STPG2: variants seen among roughly 807,000 people sequenced by gnomAD.
The protein encoded by STPG2 is sperm-tail PG-rich repeat-containing protein 2.
In STPG2, 56 loss-of-function variants were observed where a neutral mutation model predicts 54.2. The ratio of observed to expected loss-of-function variants is 1.03; its 90% CI spans 0.83 to 1.29. The LOEUF (loss-of-function observed/expected upper bound fraction) is 1.29. Ranked by LOEUF, STPG2 falls within the 50% of genes most tolerant of loss-of-function variation. The probability of loss-of-function intolerance (pLI) is 0.00; values close to 1 mark genes in which losing one functional copy is unlikely to be tolerated. For synonymous variants in STPG2, 200 were observed against 181.8 expected (o/e 1.10, Z -0.81); for missense variants, 596 against 544.9 (o/e 1.09, Z -0.93).
intron 5 of STPG2, among the ~76,000 whole-genome samples, chr4:98,063,219 G>A (rs1031114890): frequency 2.6e-5 from 4 of 152,110 alleles, no homozygotes; most frequent in African/African-American, 9.7e-5. Flanking sequence ...GGGAGACCTA[G>A]GTGGGCGGAT....
chr4:97,983,695 G>C (rs1734746527), intron 5 of STPG2, among the ~76,000 whole-genome samples: 1 of 152,068 alleles, frequency 6.6e-6, no homozygotes, highest in Admixed American at 6.6e-5. Context: ...TCTTTCAGTA[G>C]GAATAGAATT....
At chr4:97,581,438 A>C (rs922903129) in intron 10 of STPG2, among the ~76,000 whole-genome samples, 2 of 152,134 alleles carry the variant, frequency 1.3e-5, no homozygotes, top group African/African-American at 4.8e-5. Flanking sequence ...GTAGCTACGG[A>C]GAACAATGCA....
intron 4 of STPG2, among the ~76,000 whole-genome samples, chr4:97,453,489 C>T (rs1345845733): frequency 2.6e-5 from 4 of 152,184 alleles, no homozygotes; most frequent in South Asian, 2.1e-4. Context: ...GGCAAAGGCA[C>T]CACCGGCCAG....
intron 9 of STPG2, among the ~76,000 whole-genome samples, chr4:97,733,550 C>T (rs1185844607): frequency 6.9e-6 from 1 of 144,516 alleles, no homozygotes; most frequent in Non-Finnish European, 1.5e-5. Context: ...ATTCGTGTAA[C>T]AAAAAAAAAA....
intron 10 of STPG2, among the ~76,000 whole-genome samples, chr4:97,631,550 A>T (rs934707083): frequency 9.9e-5 from 15 of 152,130 alleles, no homozygotes; most frequent in African/African-American, 3.4e-4. Context: ...AGGTTAGTTG[A>T]AAGTAAAACA....
At chr4:97,464,087 T>C (rs1431665734) in intron 4 of STPG2, among the ~76,000 whole-genome samples, 2 of 152,158 alleles carry the variant, frequency 1.3e-5, no homozygotes, top group African/African-American at 4.8e-5. Flanking sequence ...GCATGAAGGT[T>C]TTTATATGGA....
intron 5 of STPG2, chr4:98,026,233 C>G: frequency 9.7e-7 from 1 of 1,035,906 alleles, no homozygotes; most frequent in Non-Finnish European, 1.5e-6. Flanking sequence ...AAGCAAGCCC[C>G]CTCAAGAGCT....
At chr4:97,977,608 G>A (rs1304391231) in intron 6 of STPG2, among the ~76,000 whole-genome samples, 1 of 152,134 alleles carries the variant, frequency 6.6e-6, no homozygotes, top group Non-Finnish European at 1.5e-5. Context: ...GTTTCAAGAG[G>A]CCCAGATCAA....
At chr4:98,060,097 C>T (rs904932402) in intron 5 of STPG2, among the ~76,000 whole-genome samples, 14 of 152,038 alleles carry the variant, frequency 9.2e-5, no homozygotes, top group Non-Finnish European at 2.1e-4. Flanking sequence ...AGAGGGCATC[C>T]TCTCTTCAAA....
intron 9 of STPG2, among the ~76,000 whole-genome samples, chr4:97,807,328 C>T (rs1727599726): frequency 6.6e-6 from 1 of 151,724 alleles, no homozygotes; most frequent in Admixed American, 6.6e-5. Context: ...TGCCTTTAAG[C>T]TCCTGAAGAA....
chr4:97,665,058 T>C (rs796315163), intron 10 of STPG2, among the ~76,000 whole-genome samples: 10 of 152,222 alleles, frequency 6.6e-5, no homozygotes, highest in African/African-American at 2.2e-4. Context: ...ACAGCTGGCA[T>C]CAGAGAATGC....
chr4:97,924,827 C>T (rs919104750), intron 8 of STPG2, among the ~76,000 whole-genome samples: 2 of 152,102 alleles, frequency 1.3e-5, no homozygotes, highest in Non-Finnish European at 2.9e-5. Flanking sequence ...AAAGTCCTGG[C>T]TAATCATCTC....
At chr4:97,927,912 G>C (rs562391385) in intron 8 of STPG2, among the ~76,000 whole-genome samples, 1 of 152,204 alleles carries the variant, frequency 6.6e-6, no homozygotes, top group South Asian at 2.1e-4. Context: ...ACCAATGTCT[G>C]TGATACACAG....
intron 8 of STPG2, among the ~76,000 whole-genome samples, chr4:97,869,934 G>A (rs948256964): frequency 3.3e-5 from 5 of 151,414 alleles, no homozygotes; most frequent in Non-Finnish European, 7.4e-5. Context: ...ACAAGAACCC[G>A]GGTCTTCCAC....
chr4:97,851,109 A>G (rs1418562668), intron 8 of STPG2, among the ~76,000 whole-genome samples: 1 of 152,182 alleles, frequency 6.6e-6, no homozygotes, highest in African/African-American at 2.4e-5. Flanking sequence ...CTCAGAATAC[A>G]CAGCTCTTAA....
intron 10 of STPG2, among the ~76,000 whole-genome samples, chr4:97,621,040 T>C (rs922921438): frequency 6.6e-6 from 1 of 151,670 alleles, no homozygotes; most frequent in African/African-American, 2.4e-5. Flanking sequence ...TGACCGAGGG[T>C]GGGGAGAGTA....
At chr4:97,454,882 T>C (rs144280624) in intron 4 of STPG2, among the ~76,000 whole-genome samples, 2 of 152,232 alleles carry the variant, frequency 1.3e-5, no homozygotes, top group African/African-American at 4.8e-5. Context: ...ATTCCTAATA[T>C]AGAAAAAATA....
At chr4:98,057,094 A>G (rs1737507636) in intron 5 of STPG2, among the ~76,000 whole-genome samples, 1 of 152,210 alleles carries the variant, frequency 6.6e-6, no homozygotes, top group African/African-American at 2.4e-5. Flanking sequence ...GCCCACAAAG[A>G]TGAGAAAGAA....
chr4:97,864,969 T>G (rs534150974), intron 8 of STPG2, among the ~76,000 whole-genome samples: 12 of 151,808 alleles, frequency 7.9e-5, no homozygotes, highest in Non-Finnish European at 1.3e-4. Context: ...TTAAATATTA[T>G]ACCTAAAACC....
Sources: gnomAD v4.1 joint callset for allele counts (sites outside exome capture counted in the v4.1 genomes callset) on GRCh38, gnomAD v4.1.1 for gene constraint, MANE v1.5 for transcripts, NCBI Gene and HGNC (gene_info 2026-07-23, HGNC 2026-07-21) for gene names.